Variants in CREB5 observed in about 807,000 individuals in gnomAD.
The protein encoded by CREB5 is cAMP responsive element binding protein 5.
Under a neutral mutation model 57.1 loss-of-function variants are expected in CREB5, and 19 were observed. That is an observed-to-expected ratio of 0.33 (90% CI 0.23 to 0.49). The LOEUF (loss-of-function observed/expected upper bound fraction) is 0.49. CREB5 is among the 20% of genes least tolerant of loss of function. CREB5 has a pLI of 0.99. For missense variants in CREB5, 579 were observed against 671.6 expected (o/e 0.86, Z 1.52); for synonymous variants, 238 against 238.3 (o/e 1.00, Z 0.01).
chr7:28,503,442 C>A (rs1169804969), intron 3 of CREB5, among the ~76,000 whole-genome samples: 1 of 152,106 alleles, frequency 6.6e-6, no homozygotes, highest in African/African-American at 2.4e-5. Context: ...CATAAGATAA[C>A]AGAAATATTA....
chr7:28,467,182 T>C (rs1790618470), intron 1 of CREB5, among the ~76,000 whole-genome samples: 2 of 151,900 alleles, frequency 1.3e-5, no homozygotes, highest in Non-Finnish European at 1.5e-5. Flanking sequence ...GGAGGGGCAA[T>C]TGGTAGAGGG....
chr7:28,416,425 A>G (rs930968546), intron 1 of CREB5, among the ~76,000 whole-genome samples: 4 of 152,232 alleles, frequency 2.6e-5, no homozygotes, highest in African/African-American at 9.6e-5. Context: ...CAGATCTGGT[A>G]GGACCATTTC....
At chr7:28,346,744 G>A (rs1476552288) in intron 1 of CREB5, among the ~76,000 whole-genome samples, 2 of 152,152 alleles carry the variant, frequency 1.3e-5, no homozygotes, top group African/African-American at 2.4e-5. Flanking sequence ...TAAGAGCGGA[G>A]GGCCATCTTC....
intron 4 of CREB5, among the ~76,000 whole-genome samples, chr7:28,560,951 CGTGTGT>C (rs1349050648): frequency 0.049 from 1,867 of 38,478 alleles, 317 homozygotes; most frequent in South Asian, 0.14. Context: ...CGTGTGTGTG[CGTGTGT>C]GTGCGTGTGT....
intron 5 of CREB5, among the ~76,000 whole-genome samples, chr7:28,605,296 G>C (rs986574409): frequency 1.3e-5 from 2 of 152,140 alleles, no homozygotes; most frequent in Non-Finnish European, 1.5e-5. Context: ...GAGCAATGTT[G>C]ATAGATTCAA....
intron 9 of CREB5, 109 bp from the exon 10 acceptor site, chr7:28,817,962 A>G: frequency 1.4e-6 from 1 of 707,590 alleles, no homozygotes; most frequent in Non-Finnish European, 2.4e-6. Context: ...TCTTAATGTC[A>G]TTTAGACATA....
intron 1 of CREB5, among the ~76,000 whole-genome samples, chr7:28,416,220 C>G (rs1456829682): frequency 6.6e-6 from 1 of 152,124 alleles, no homozygotes; most frequent in Non-Finnish European, 1.5e-5. Flanking sequence ...TCTTTTTATT[C>G]TTTTATTACA....
chr7:28,584,848 A>G (rs1289491159), intron 5 of CREB5, among the ~76,000 whole-genome samples: 13 of 152,024 alleles, frequency 8.6e-5, no homozygotes, highest in Admixed American at 8.5e-4. Context: ...GGATAAATAC[A>G]TTAAGAGAAA....
Position 28,577,191 on chromosome 7 carries a change from A to T in CREB5, c.464+6654A>T, listed in dbSNP as rs538650013. ...TCCTTTACCTACATATAAAGGGGTT[A>T]GCCAATTAATTGAGTCAGTCTCAGC... On this transcript the variant is annotated intron_variant, in intron 5 of 10. Transcript: ENST00000357727. Among the ~76,000 whole-genome samples, 119 of 152,326 alleles carry T rather than the reference A, an allele frequency of 7.8e-4. 2 individuals are homozygous for T. In the South Asian group the frequency reaches 0.024, roughly 31 times the overall value.
At chr7:28,549,622 C>G (rs1794546062) in intron 4 of CREB5, among the ~76,000 whole-genome samples, 4 of 152,138 alleles carry the variant, frequency 2.6e-5, no homozygotes, top group African/African-American at 9.6e-5. Flanking sequence ...CTGCTGTTTC[C>G]TTCTCTAATT....
chr7:28,515,973 C>T (rs955208971), intron 4 of CREB5, among the ~76,000 whole-genome samples: 25 of 151,836 alleles, frequency 1.6e-4, no homozygotes, highest in African/African-American at 4.6e-4. Flanking sequence ...TGGGAGGCCT[C>T]GGGGTGAGAG....
intron 1 of CREB5, among the ~76,000 whole-genome samples, chr7:28,337,158 T>A (rs1158654696): frequency 6.6e-6 from 1 of 152,118 alleles, no homozygotes; most frequent in African/African-American, 2.4e-5. Flanking sequence ...AGGAGAATAA[T>A]GTGTATACTG....
At chr7:28,647,006 G>A (rs1798915859) in intron 5 of CREB5, among the ~76,000 whole-genome samples, 1 of 152,094 alleles carries the variant, frequency 6.6e-6, no homozygotes, top group Non-Finnish European at 1.5e-5. Flanking sequence ...TGATACATCA[G>A]TGGAGATGTA....
At chr7:28,469,812 G>A (rs897356989) in intron 1 of CREB5, among the ~76,000 whole-genome samples, 2 of 152,140 alleles carry the variant, frequency 1.3e-5, no homozygotes, top group Non-Finnish European at 2.9e-5. Context: ...GGAAATGGAG[G>A]CACAGAGAGG....
At chr7:28,329,976 C>A (rs1175763472) in intron 1 of CREB5, among the ~76,000 whole-genome samples, 1 of 152,220 alleles carries the variant, frequency 6.6e-6, no homozygotes, top group Non-Finnish European at 1.5e-5. Flanking sequence ...ATTTGAAACA[C>A]CTTTCCCACC....
chr7:28,621,885 G>T (rs1425147098), intron 5 of CREB5, among the ~76,000 whole-genome samples: 1 of 152,156 alleles, frequency 6.6e-6, no homozygotes, highest in Non-Finnish European at 1.5e-5. Context: ...TTTAATTGAG[G>T]AAGAGCCTGT....
At chr7:28,307,816 G>A (rs1785215419) in intron 1 of CREB5, among the ~76,000 whole-genome samples, 1 of 152,248 alleles carries the variant, frequency 6.6e-6, no homozygotes, top group Non-Finnish European at 1.5e-5. Flanking sequence ...TGAGGAGGAA[G>A]ACAGATAATG....
chr7:28,661,920 G>A (rs974863877), intron 5 of CREB5, among the ~76,000 whole-genome samples: 1 of 152,244 alleles, frequency 6.6e-6, no homozygotes, highest in Non-Finnish European at 1.5e-5. Flanking sequence ...CACACCAGCT[G>A]TGAAGGAAAC....
At chr7:28,310,430 C>A (rs1227065581) in intron 1 of CREB5, among the ~76,000 whole-genome samples, 1 of 152,206 alleles carries the variant, frequency 6.6e-6, no homozygotes, top group Non-Finnish European at 1.5e-5. Context: ...GATTCTAGTC[C>A]TGGCTGGACT....
Sources: allele counts gnomAD v4.1 joint callset (sites outside exome capture counted in the v4.1 genomes callset), GRCh38; gene constraint gnomAD v4.1.1; transcripts MANE v1.5; gene names NCBI Gene and HGNC (gene_info 2026-07-23, HGNC 2026-07-21).